Variants in HS6ST3 observed in about 807,000 individuals in gnomAD.
The protein encoded by HS6ST3 is heparan-sulfate 6-O-sulfotransferase 3.
In HS6ST3, 12 loss-of-function variants were observed where a neutral mutation model predicts 36.7. That is an observed-to-expected ratio of 0.33 (90% CI 0.21 to 0.53). HS6ST3 has a LOEUF of 0.53. Ranked by LOEUF, HS6ST3 falls within the 20% of genes least tolerant of loss-of-function variation. HS6ST3 has a pLI of 0.95. For missense variants in HS6ST3, 584 were observed against 640.9 expected, an observed-to-expected ratio of 0.91 and a Z score of 0.96; for synonymous variants, 240 against 257.5, an observed-to-expected ratio of 0.93 and a Z score of 0.65.
intron 1 of HS6ST3, among the ~76,000 whole-genome samples, chr13:96,416,552 G>A (rs944328348): frequency 6.6e-6 from 1 of 151,984 alleles, no homozygotes; most frequent in Non-Finnish European, 1.5e-5. Context: ...GGTTGTTCAT[G>A]CCAAATTTAT....
chr13:96,358,628 G>C (rs1473061596), intron 1 of HS6ST3, among the ~76,000 whole-genome samples: 1 of 151,854 alleles, frequency 6.6e-6, no homozygotes, highest in Admixed American at 6.6e-5. Flanking sequence ...TCGGATAGTG[G>C]GTTAAAAATA....
chr13:96,574,414 G>T, intron 1 of HS6ST3: 1 of 518,082 alleles, frequency 1.9e-6, no homozygotes, highest in South Asian at 1.9e-5. Context: ...GTGAGAAGGT[G>T]ACAATCAGTT....
At chr13:96,650,713 G>A (rs1189752182) in intron 1 of HS6ST3, among the ~76,000 whole-genome samples, 8 of 152,060 alleles carry the variant, frequency 5.3e-5, no homozygotes, top group Non-Finnish European at 1.2e-4. Flanking sequence ...ATGGGGAACC[G>A]AGTGAGTGTG....
At chr13:96,585,120 T>C (rs1307585452) in intron 1 of HS6ST3, among the ~76,000 whole-genome samples, 2 of 152,202 alleles carry the variant, frequency 1.3e-5, no homozygotes, top group East Asian at 3.8e-4. Flanking sequence ...TTAGACCATA[T>C]TTGTTGTACT....
At chr13:96,510,421 G>A (rs1258058044) in intron 1 of HS6ST3, among the ~76,000 whole-genome samples, 1 of 152,128 alleles carries the variant, frequency 6.6e-6, no homozygotes, top group Non-Finnish European at 1.5e-5. Context: ...GAATAGGAGT[G>A]GTGAAAGTAG....
chr13:96,662,330 C>A (rs539728787), intron 1 of HS6ST3, among the ~76,000 whole-genome samples: 12 of 152,156 alleles, frequency 7.9e-5, no homozygotes, highest in Admixed American at 3.9e-4. Context: ...TTCCTTCTGA[C>A]TGGGTTAATT....
intron 1 of HS6ST3, among the ~76,000 whole-genome samples, chr13:96,142,965 A>C (rs2054039393): frequency 6.6e-6 from 1 of 152,136 alleles, no homozygotes; most frequent in Non-Finnish European, 1.5e-5. Context: ...GTATTTAAAA[A>C]TAAATGAAAT....
At chr13:96,390,861 G>T (rs1429760792) in intron 1 of HS6ST3, among the ~76,000 whole-genome samples, 1 of 152,048 alleles carries the variant, frequency 6.6e-6, no homozygotes, top group Non-Finnish European at 1.5e-5. Flanking sequence ...ATACAGTTCA[G>T]GTTTCTTTAC....
intron 1 of HS6ST3, among the ~76,000 whole-genome samples, chr13:96,151,377 C>T (rs186126157): frequency 6.7e-6 from 1 of 148,912 alleles, no homozygotes; most frequent in East Asian, 2.0e-4. Context: ...GCACTCCAGC[C>T]TGGGCGGCAG....
At chr13:96,434,989 A>T (rs367758370) in intron 1 of HS6ST3, among the ~76,000 whole-genome samples, 1 of 150,898 alleles carries the variant, frequency 6.6e-6, no homozygotes, top group Non-Finnish European at 1.5e-5. Context: ...CCTAACTTTA[A>T]TTTTTTTTTT....
intron 1 of HS6ST3, among the ~76,000 whole-genome samples, chr13:96,392,968 A>G (rs1441233608): frequency 6.6e-6 from 1 of 152,130 alleles, no homozygotes; most frequent in Non-Finnish European, 1.5e-5. Flanking sequence ...CATAATTCCT[A>G]CCTGCTATGG....
chr13:96,687,099 T>G (rs961954674), intron 1 of HS6ST3, among the ~76,000 whole-genome samples: 1 of 152,008 alleles, frequency 6.6e-6, no homozygotes, highest in Non-Finnish European at 1.5e-5. Context: ...GCTTTTTTTT[T>G]TTTTTTACAA....
intron 1 of HS6ST3, among the ~76,000 whole-genome samples, chr13:96,575,703 A>G (rs1005926758): frequency 2.6e-5 from 4 of 152,210 alleles, no homozygotes; most frequent in Non-Finnish European, 5.9e-5. Context: ...TCCAACTTTC[A>G]TGTGACGTAT....
chr13:96,197,755 G>C (rs139959962), intron 1 of HS6ST3, among the ~76,000 whole-genome samples: 1 of 152,106 alleles, frequency 6.6e-6, no homozygotes, highest in African/African-American at 2.4e-5. Context: ...AATCCAGTGG[G>C]GCAGTCAAAT....
intron 1 of HS6ST3, among the ~76,000 whole-genome samples, chr13:96,289,818 CTG>C (rs2054821022): frequency 1.3e-5 from 2 of 152,080 alleles, no homozygotes; most frequent in Admixed American, 1.3e-4. Flanking sequence ...GAATCTGAGA[CTG>C]TGATTCAAGG....
At chr13:96,199,562 G>T (rs2054331081) in intron 1 of HS6ST3, among the ~76,000 whole-genome samples, 1 of 152,118 alleles carries the variant, frequency 6.6e-6, no homozygotes, top group South Asian at 2.1e-4. Context: ...TAGCTATAAA[G>T]AAATGAGGAC....
intron 1 of HS6ST3, among the ~76,000 whole-genome samples, chr13:96,753,749 A>G (rs1262523752): frequency 2.0e-5 from 3 of 152,212 alleles, no homozygotes; most frequent in Non-Finnish European, 4.4e-5. Context: ...ATAGAAGCAG[A>G]TAGTGGACAT....
chr13:96,155,262 G>A (rs1283018133), intron 1 of HS6ST3, among the ~76,000 whole-genome samples: 13 of 152,040 alleles, frequency 8.6e-5, no homozygotes, highest in African/African-American at 3.1e-4. Context: ...AACAGAGGTG[G>A]TATCATGATT....
intron 1 of HS6ST3, among the ~76,000 whole-genome samples, chr13:96,415,628 T>G (rs2055529182): frequency 6.6e-6 from 1 of 152,146 alleles, no homozygotes; most frequent in Non-Finnish European, 1.5e-5. Flanking sequence ...GACCTTTGAT[T>G]GGCTTTAGAA....
Sources: allele counts gnomAD v4.1 joint callset (sites outside exome capture counted in the v4.1 genomes callset), GRCh38; gene constraint gnomAD v4.1.1; transcripts MANE v1.5; gene names NCBI Gene and HGNC (gene_info 2026-07-23, HGNC 2026-07-21).